HHAT: variants seen among roughly 807,000 people sequenced by gnomAD.
The protein encoded by HHAT is hedgehog acyltransferase, also known as protein-cysteine N-palmitoyltransferase HHAT.
A neutral mutation model predicts 70.8 loss-of-function variants in HHAT; 47 were observed. The observed-to-expected ratio is 0.66, with a 90% CI of 0.53 to 0.85. The LOEUF (loss-of-function observed/expected upper bound fraction) is 0.85, where lower values mean the gene tolerates loss of function less well. Ranked by LOEUF, HHAT falls within the 40% of genes least tolerant of loss-of-function variation. HHAT has a pLI of 0.00. For missense variants in HHAT, 609 were observed against 604.8 expected (o/e 1.01, Z -0.07); for synonymous variants, 228 against 247.6 (o/e 0.92, Z 0.74).
chr1:210,411,823 A>G (rs1180858986), intron 6 of HHAT, among the ~76,000 whole-genome samples: 3 of 100,692 alleles, frequency 3.0e-5, no homozygotes, highest in South Asian at 3.2e-4. Flanking sequence ...CATGTCTTAC[A>G]TGCCTCTACA....
At chr1:210,535,443 GT>G (rs2095361119) in intron 9 of HHAT, among the ~76,000 whole-genome samples, 1 of 151,898 alleles carries the variant, frequency 6.6e-6, no homozygotes, top group South Asian at 2.1e-4. Context: ...GTGTGTGTGT[GT>G]GTGTGTGTGT....
intron 10 of HHAT, among the ~76,000 whole-genome samples, chr1:210,596,673 A>G (rs1458689587): frequency 1.3e-5 from 2 of 151,852 alleles, no homozygotes; most frequent in Non-Finnish European, 2.9e-5. Flanking sequence ...CTTTTTAATT[A>G]TTTCAGTGTC....
At chr1:210,452,742 T>C (rs3765838) in intron 7 of HHAT, among the ~76,000 whole-genome samples, 17,288 of 152,240 alleles carry the variant, frequency 0.11, 1,238 homozygotes, top group East Asian at 0.21. Flanking sequence ...CAATTTATTA[T>C]TGAATGGTGC....
chr1:210,464,685 A>C, intron 8 of HHAT, 30 bp downstream of exon 8: 1 of 1,613,182 alleles, frequency 6.2e-7, no homozygotes, highest in Non-Finnish European at 8.5e-7. Flanking sequence ...AAAGTTGGTC[A>C]GGCATGTCCA....
At chr1:210,650,480 A>G (rs968489872) in intron 11 of HHAT, among the ~76,000 whole-genome samples, 2 of 152,108 alleles carry the variant, frequency 1.3e-5, no homozygotes. Context: ...TCATTTGTAA[A>G]GGTCACCCTT....
chr1:210,605,148 CTT>C (rs1212409663), intron 10 of HHAT, among the ~76,000 whole-genome samples: 1 of 152,210 alleles, frequency 6.6e-6, no homozygotes, highest in African/African-American at 2.4e-5. Flanking sequence ...GTACAAGAAT[CTT>C]TCACATTTGT....
chr1:210,343,483 TGAAAA>T (rs1174904938), intron 1 of HHAT, among the ~76,000 whole-genome samples: 1 of 152,106 alleles, frequency 6.6e-6, no homozygotes, highest in Non-Finnish European at 1.5e-5. Flanking sequence ...AGGCAAGAGT[TGAAAA>T]GAGAGTGTGT....
chr1:210,576,898 T>G (rs140744058), intron 9 of HHAT, among the ~76,000 whole-genome samples: 4 of 152,366 alleles, frequency 2.6e-5, no homozygotes, highest in African/African-American at 9.6e-5. Context: ...CCTTCTTGGC[T>G]AAATTTATTC....
chr1:210,510,293 C>T (rs1302552115), intron 8 of HHAT, among the ~76,000 whole-genome samples: 1 of 152,178 alleles, frequency 6.6e-6, no homozygotes, highest in Non-Finnish European at 1.5e-5. Flanking sequence ...TTGACTACCA[C>T]ATCACCCCCG....
At chr1:210,663,725 A>G (rs1463295989) in intron 11 of HHAT, among the ~76,000 whole-genome samples, 1 of 152,218 alleles carries the variant, frequency 6.6e-6, no homozygotes, top group African/African-American at 2.4e-5. Flanking sequence ...CAGCATCCAC[A>G]TCACCTGGAA....
chr1:210,449,733 G>C (rs2093709731), intron 7 of HHAT, among the ~76,000 whole-genome samples: 1 of 152,202 alleles, frequency 6.6e-6, no homozygotes, highest in South Asian at 2.1e-4. Flanking sequence ...AGATGATTGT[G>C]AGTTATGTAA....
chr1:210,662,157 C>T (rs992205389), intron 11 of HHAT, among the ~76,000 whole-genome samples: 1 of 152,138 alleles, frequency 6.6e-6, no homozygotes, highest in Admixed American at 6.5e-5. Flanking sequence ...ACAATTGGAT[C>T]CCAGAGCTGT....
intron 10 of HHAT, among the ~76,000 whole-genome samples, chr1:210,621,948 G>A (rs1668920655): frequency 6.6e-6 from 1 of 152,194 alleles, no homozygotes; most frequent in Admixed American, 6.5e-5. Flanking sequence ...GGGAGATGGG[G>A]TGACAGAGGG....
At chr1:210,544,366 CGTTTT>C (rs2095461450) in intron 9 of HHAT, among the ~76,000 whole-genome samples, 1 of 105,322 alleles carries the variant, frequency 9.5e-6, no homozygotes, top group Non-Finnish European at 2.0e-5. Flanking sequence ...TTCTTTCTTT[CGTTTT>C]TTTTTTTTTT....
chr1:210,447,379 C>T (rs2093656158), intron 7 of HHAT, among the ~76,000 whole-genome samples: 1 of 152,114 alleles, frequency 6.6e-6, no homozygotes, highest in Non-Finnish European at 1.5e-5. Flanking sequence ...AAAATACAGC[C>T]CACTACAGAG....
At chr1:210,416,407 C>T (rs1001668895) in intron 6 of HHAT, among the ~76,000 whole-genome samples, 3 of 152,354 alleles carry the variant, frequency 2.0e-5, no homozygotes, top group Admixed American at 1.3e-4. Context: ...AGGGAGCTTT[C>T]AGTCTCATAA....
At chr1:210,578,452 GA>G (rs1658416683) in intron 9 of HHAT, among the ~76,000 whole-genome samples, 1 of 152,174 alleles carries the variant, frequency 6.6e-6, no homozygotes. Flanking sequence ...GCTACTATGT[GA>G]TTCAGTGATC....
intron 3 of HHAT, among the ~76,000 whole-genome samples, chr1:210,385,410 C>A (rs2090972373): frequency 6.6e-6 from 1 of 152,066 alleles, no homozygotes; most frequent in South Asian, 2.1e-4. Flanking sequence ...TGACTCTTGG[C>A]TAATTTGGAA....
At chr1:210,414,502 G>A (rs2092658787) in intron 6 of HHAT, among the ~76,000 whole-genome samples, 1 of 152,122 alleles carries the variant, frequency 6.6e-6, no homozygotes, top group Admixed American at 6.5e-5. Flanking sequence ...TAAGAGTGAA[G>A]GGGGAAGGAA....
Sources: gnomAD v4.1 joint callset for allele counts (sites outside exome capture counted in the v4.1 genomes callset) on GRCh38, gnomAD v4.1.1 for gene constraint, MANE v1.5 for transcripts, NCBI Gene and HGNC (gene_info 2026-07-23, HGNC 2026-07-21) for gene names.